The following TNKS variants were observed in gnomAD, a reference collection of about 807,000 sequenced individuals.
TNKS encodes the protein poly [ADP-ribose] polymerase tankyrase-1.
In TNKS, 72 loss-of-function variants were observed where a neutral mutation model predicts 135.8. The ratio of observed to expected loss-of-function variants is 0.53; its 90% confidence interval spans 0.44 to 0.64. The LOEUF is 0.64. TNKS is among the 30% of genes least tolerant of loss of function. The pLI is 0.00. For missense variants in TNKS, 1,769 were observed against 1,674.0 expected, an observed-to-expected ratio of 1.06 and a Z score of -0.99; for synonymous variants, 849 against 649.3, an observed-to-expected ratio of 1.31 and a Z score of -4.68.
chr8:9,585,484 A>G (rs1311071413), intron 2 of TNKS, among the ~76,000 whole-genome samples: 2 of 152,206 alleles, frequency 1.3e-5, no homozygotes, highest in Non-Finnish European at 2.9e-5. Context: ...TAAACTGAGT[A>G]AGATGTATAT....
At chr8:9,660,366 A>G (rs566865373) in intron 3 of TNKS, among the ~76,000 whole-genome samples, 30 of 152,274 alleles carry the variant, frequency 2.0e-4, no homozygotes, top group African/African-American at 2.6e-4. Context: ...GAATCCAGCA[A>G]CACATCAAAA....
chr8:9,708,032 T>A (rs1268248678), intron 8 of TNKS, among the ~76,000 whole-genome samples: 1 of 152,216 alleles, frequency 6.6e-6, no homozygotes, highest in Non-Finnish European at 1.5e-5. Flanking sequence ...GTTTAAGAGC[T>A]AGAAAGTGTT....
chr8:9,578,855 A>T (rs551083822), intron 1 of TNKS, among the ~76,000 whole-genome samples: 1 of 152,234 alleles, frequency 6.6e-6, no homozygotes, highest in Non-Finnish European at 1.5e-5. Flanking sequence ...CTAGCTTGTG[A>T]ATATAAAAAT....
intron 20 of TNKS, among the ~76,000 whole-genome samples, chr8:9,761,021 G>A (rs1385012179): frequency 2.6e-5 from 4 of 152,198 alleles, no homozygotes; most frequent in Non-Finnish European, 4.4e-5. Flanking sequence ...CCGGGCTTGA[G>A]TATTTCTTAG....
Position 9,641,911 on chromosome 8 carries a change from G to A in TNKS, c.994+26234G>A, listed in dbSNP as rs1800745402. 1.4e-5 allele frequency among the ~76,000 whole-genome samples: 2 copies of A among 146,098 alleles called. 1 individual carries two copies. Among genetic ancestry groups the A allele is most frequent in the African/African-American group, 5.1e-5 (2 of 39,496 alleles). ...AATGAATTACTTCTGAGAGAATGAA[G>A]TGTTTCTTAGTTTTGCTTTTTAGAA... On this transcript the variant is annotated intron_variant, in intron 3 of 26. Coordinates refer to ENST00000310430, the MANE Select transcript of TNKS (RefSeq NM_003747.3).
At chr8:9,723,218 A>G (rs1804988618) in intron 12 of TNKS, among the ~76,000 whole-genome samples, 1 of 150,440 alleles carries the variant, frequency 6.6e-6, no homozygotes, top group South Asian at 2.1e-4. Flanking sequence ...TTAAACTACT[A>G]TTTTTACCAG....
chr8:9,577,908 G>C (rs1480081493), intron 1 of TNKS, among the ~76,000 whole-genome samples: 2 of 152,204 alleles, frequency 1.3e-5, no homozygotes, highest in Non-Finnish European at 2.9e-5. Context: ...TTAGTTACAA[G>C]ATACAGTGGG....
chr8:9,713,046 C>T (rs1352562348), intron 11 of TNKS, among the ~76,000 whole-genome samples: 1 of 151,978 alleles, frequency 6.6e-6, no homozygotes, highest in African/African-American at 2.4e-5. Context: ...GTTCTCAAAA[C>T]TTTTCTACCT....
chr8:9,556,206 T>C lies in TNKS; in HGVS notation c.267T>C (p.Cys89=), dbSNP rs1472649971. 2 of 1,614,116 alleles carry C rather than the reference T, an allele frequency of 1.2e-6. No individual in the cohort carries two copies. Among genetic ancestry groups the C allele is most frequent in the Admixed American group, 3.3e-5 (2 of 60,018 alleles). ...CGGACCCGGTTGACGGTACCAGCTG[T>C]TGCAGTACCACCAGCACAATCTGTA... ...RSPDPVDGTS[C]CSTTSTICTV... is the part of the protein sequence containing the mutation. The change falls in exon 1 of 27, where the codon TGT becomes TGC. Residue 89 remains cysteine (C), a synonymous_variant. Coordinates refer to ENST00000310430, the MANE Select transcript of TNKS (RefSeq NM_003747.3).
chr8:9,558,446 A>T (rs569729533), intron 1 of TNKS: 4 of 152,322 alleles, frequency 2.6e-5, no homozygotes, highest in African/African-American at 9.6e-5. Flanking sequence ...TTTATTAATC[A>T]ACAGAGGTGT....
intron 20 of TNKS, among the ~76,000 whole-genome samples, chr8:9,760,928 T>C (rs1807117919): frequency 6.6e-6 from 1 of 152,262 alleles, no homozygotes; most frequent in Non-Finnish European, 1.5e-5. Context: ...ATTGGAATTT[T>C]AAAATGTAGC....
At chr8:9,642,589 T>C (rs1275969116) in intron 3 of TNKS, among the ~76,000 whole-genome samples, 1 of 146,530 alleles carries the variant, frequency 6.8e-6, no homozygotes, top group Non-Finnish European at 1.5e-5. Flanking sequence ...TCATAATGTT[T>C]TAAAGTAAAT....
intron 18 of TNKS, among the ~76,000 whole-genome samples, chr8:9,748,798 A>G (rs1295000714): frequency 6.6e-6 from 1 of 152,146 alleles, no homozygotes; most frequent in Non-Finnish European, 1.5e-5. Context: ...AATAATAATG[A>G]CTTATTATTT....
At chr8:9,771,314 G>GGA (rs1807830475) in intron 26 of TNKS, among the ~76,000 whole-genome samples, 3 of 131,426 alleles carry the variant, frequency 2.3e-5, no homozygotes, top group South Asian at 5.2e-4. Flanking sequence ...AAGGAAGGAA[G>GGA]AGAGAAGAAA....
At chr8:9,710,699 A>G (rs924113762) in intron 11 of TNKS, among the ~76,000 whole-genome samples, 1 of 152,176 alleles carries the variant, frequency 6.6e-6, no homozygotes, top group East Asian at 1.9e-4. Flanking sequence ...GATGGAGACC[A>G]TCCTGGCTAA....
intron 26 of TNKS, among the ~76,000 whole-genome samples, chr8:9,773,982 G>A (rs1055316667): frequency 1.3e-5 from 2 of 152,020 alleles, no homozygotes; most frequent in African/African-American, 2.4e-5. Context: ...AAACACACAC[G>A]TTTTATGTGT....
intron 5 of TNKS, among the ~76,000 whole-genome samples, chr8:9,681,948 G>C (rs1190092441): frequency 2.6e-5 from 4 of 152,078 alleles, no homozygotes; most frequent in African/African-American, 9.7e-5. Flanking sequence ...TTTGGGGAGA[G>C]ACTTCTACTT....
chr8:9,559,607 C>T (rs1375981316), intron 1 of TNKS, among the ~76,000 whole-genome samples: 1 of 152,110 alleles, frequency 6.6e-6, no homozygotes, highest in East Asian at 1.9e-4. Context: ...CATCCCTACC[C>T]TCCACCCTTA....
chr8:9,629,247 A>G (rs1289329271), intron 3 of TNKS, among the ~76,000 whole-genome samples: 1 of 152,194 alleles, frequency 6.6e-6, no homozygotes, highest in Non-Finnish European at 1.5e-5. Flanking sequence ...TTCCTTGTTG[A>G]AAAAGCAGTA....
Sources: allele counts gnomAD v4.1 joint callset (sites outside exome capture counted in the v4.1 genomes callset), GRCh38; gene constraint gnomAD v4.1.1; transcripts MANE v1.5; gene names NCBI Gene and HGNC (gene_info 2026-07-23, HGNC 2026-07-21).